LGR5: variants seen among roughly 807,000 people sequenced by gnomAD.
The protein encoded by LGR5 is leucine-rich repeat-containing G protein-coupled receptor 5.
Under a neutral mutation model 76.7 loss-of-function variants are expected in LGR5, and 54 were observed. The observed-to-expected ratio is 0.70, with a 90% CI of 0.57 to 0.88. The LOEUF (loss-of-function observed/expected upper bound fraction) is 0.88, where lower values mean the gene tolerates loss of function less well. LGR5 is among the 40% of genes least tolerant of loss of function. The pLI, the probability that LGR5 is intolerant of heterozygous loss-of-function variation, is 0.00. For missense variants in LGR5, 1,078 were observed against 1,073.3 expected (o/e 1.00, Z -0.06); for synonymous variants, 406 against 421.9 (o/e 0.96, Z 0.46).
At chr12:71,562,233 A>G (rs724201) in intron 8 of LGR5, among the ~76,000 whole-genome samples, 74,896 of 152,048 alleles carry the variant, frequency 0.49, 22,101 homozygotes, top group Middle Eastern at 0.68. Context: ...ATACAAATGG[A>G]TGTCTTTTAC....
chr12:71,490,850 G>C (rs1341637880), intron 1 of LGR5, among the ~76,000 whole-genome samples: 1 of 152,152 alleles, frequency 6.6e-6, no homozygotes, highest in African/African-American at 2.4e-5. Context: ...TTTATTTGAT[G>C]GGAAGTTTGT....
chr12:71,541,780 T>C (rs758488293), intron 4 of LGR5, among the ~76,000 whole-genome samples: 1 of 152,170 alleles, frequency 6.6e-6, no homozygotes, highest in South Asian at 2.1e-4. Flanking sequence ...TCAGCTGATC[T>C]TCCCAAGGTC....
intron 1 of LGR5, among the ~76,000 whole-genome samples, chr12:71,457,635 C>A (rs1252621449): frequency 6.6e-6 from 1 of 152,092 alleles, no homozygotes; most frequent in Non-Finnish European, 1.5e-5. Context: ...TGCTATGTAA[C>A]TAAACAAGGT....
At chr12:71,462,294 A>C (rs980034159) in intron 1 of LGR5, among the ~76,000 whole-genome samples, 1 of 152,158 alleles carries the variant, frequency 6.6e-6, no homozygotes, top group African/African-American at 2.4e-5. Context: ...TCCTCTGTCA[A>C]CTAGGCCTCT....
chr12:71,491,801 T>C (rs1171043025), intron 1 of LGR5, among the ~76,000 whole-genome samples: 3 of 146,554 alleles, frequency 2.0e-5, no homozygotes, highest in Non-Finnish European at 3.0e-5. Flanking sequence ...TGTGAATCAT[T>C]TGGCAGCTGT....
At chr12:71,490,451 A>G (rs1874017561) in intron 1 of LGR5, among the ~76,000 whole-genome samples, 1 of 152,226 alleles carries the variant, frequency 6.6e-6, no homozygotes, top group Admixed American at 6.5e-5. Context: ...AGGCAGAGTG[A>G]CAGGGCTAAT....
intron 2 of LGR5, among the ~76,000 whole-genome samples, chr12:71,515,161 A>G (rs1875375506): frequency 6.6e-6 from 1 of 152,234 alleles, no homozygotes; most frequent in South Asian, 2.1e-4. Context: ...AAGTTTCATC[A>G]TATTTCTAAT....
At chr12:71,554,934 TCTCA>T (rs1877684218) in intron 5 of LGR5, among the ~76,000 whole-genome samples, 3 of 152,132 alleles carry the variant, frequency 2.0e-5, no homozygotes, top group Admixed American at 2.0e-4. Flanking sequence ...GAAGGCTTCT[TCTCA>T]CTATTTCTCT....
intron 1 of LGR5, among the ~76,000 whole-genome samples, chr12:71,499,969 C>G (rs1225484404): frequency 6.6e-6 from 1 of 151,898 alleles, no homozygotes; most frequent in African/African-American, 2.4e-5. Context: ...AGGGCTTAAC[C>G]AAAGGCAGCC....
intron 4 of LGR5, among the ~76,000 whole-genome samples, chr12:71,551,570 G>A (rs1261238925): frequency 6.6e-6 from 1 of 152,170 alleles, no homozygotes; most frequent in Non-Finnish European, 1.5e-5. Context: ...AGTGAGAGCT[G>A]TTGGAAGCAT....
intron 1 of LGR5, among the ~76,000 whole-genome samples, chr12:71,500,301 T>G (rs17814967): frequency 0.091 from 13,861 of 152,084 alleles, 671 homozygotes; most frequent in Non-Finnish European, 0.11. Context: ...AGAGGTCAGA[T>G]AACTGGCCTA....
intron 1 of LGR5, among the ~76,000 whole-genome samples, chr12:71,495,079 G>GGGGT (rs1555169504): frequency 7.1e-6 from 1 of 140,928 alleles, no homozygotes; most frequent in Non-Finnish European, 1.5e-5. Flanking sequence ...GGGCGTAGTC[G>GGGGT]GGGGGGGTCT....
intron 15 of LGR5, among the ~76,000 whole-genome samples, chr12:71,579,262 A>C (rs1463403758): frequency 6.6e-6 from 1 of 152,230 alleles, no homozygotes; most frequent in Non-Finnish European, 1.5e-5. Flanking sequence ...TCTTGTTTAC[A>C]ATTTTTAATT....
Position 71,525,356 on chromosome 12 carries a change from G to A in LGR5, c.356+879G>A, listed in dbSNP as rs527989581. On this transcript the variant is annotated intron_variant, in intron 3 of 17. Coordinates refer to ENST00000266674, the MANE Select transcript of LGR5 (RefSeq NM_003667.4). ...CAGAACCGTTATTTGATCGCCTTAG[G>A]AGATTGGGTTTGGTTTCCCTTCCTC... is the stretch of plus-strand genomic sequence containing the variant. Among the ~76,000 whole-genome samples the A allele has an allele frequency of 4.6e-5, 7 of 151,790 alleles. No homozygotes were observed. The East Asian group carries it at 1.4e-3, about 29-fold the overall frequency.
intron 1 of LGR5, among the ~76,000 whole-genome samples, chr12:71,464,187 T>A (rs1370120360): frequency 6.6e-6 from 1 of 152,192 alleles, no homozygotes; most frequent in African/African-American, 2.4e-5. Context: ...GAAAAATATC[T>A]CAAAGGAAGA....
intron 1 of LGR5, among the ~76,000 whole-genome samples, chr12:71,458,051 C>T (rs540958936): frequency 3.9e-5 from 6 of 152,142 alleles, no homozygotes; most frequent in African/African-American, 1.4e-4. Context: ...CTCCCAAACA[C>T]ATGTAGTCAT....
chr12:71,565,096 A>G (rs1592551200), intron 8 of LGR5, among the ~76,000 whole-genome samples: 4 of 151,950 alleles, frequency 2.6e-5, no homozygotes, highest in Admixed American at 2.0e-4. Flanking sequence ...CATAAGGCCC[A>G]TATTCCAGCT....
Position 71,585,739 on chromosome 12 carries a change from C to T in LGR5, c.*1005C>T, listed in dbSNP as rs1473421812. 6.6e-6 allele frequency: 1 copy of T among 152,158 alleles called. No individual in the cohort carries two copies. Among genetic ancestry groups the T allele is most frequent in the Non-Finnish European group, 1.5e-5 (1 of 68,024 alleles). The allele number at this position is 152,158 out of a possible 1,614,324, so 9.4% of individuals were successfully genotyped here. On this transcript the variant is annotated 3_prime_UTR_variant, in exon 18 of 18. Transcript: ENST00000266674. ...CTCTGGCAAACCCAATATCTGACAC[C>T]ACTTTGGACTCAAGAGACTCAGTAA...
intron 1 of LGR5, among the ~76,000 whole-genome samples, chr12:71,484,495 C>T (rs571908676): frequency 2.6e-5 from 4 of 152,222 alleles, no homozygotes; most frequent in Non-Finnish European, 5.9e-5. Context: ...GATTTAAAAC[C>T]GAAACAAACA....
Sources: gnomAD v4.1 joint callset for allele counts (sites outside exome capture counted in the v4.1 genomes callset) on GRCh38, gnomAD v4.1.1 for gene constraint, MANE v1.5 for transcripts, NCBI Gene and HGNC (gene_info 2026-07-23, HGNC 2026-07-21) for gene names.